The following KLC1 variants were observed in gnomAD, a reference collection of about 807,000 sequenced individuals.
KLC1 encodes kinesin 2 60/70kDa.
In KLC1, 30 loss-of-function variants were observed where a neutral mutation model predicts 84.2. That is an observed-to-expected ratio of 0.36 (90% CI 0.27 to 0.48). The LOEUF (loss-of-function observed/expected upper bound fraction) is 0.48. KLC1 is among the 20% of genes least tolerant of loss of function. The probability of loss-of-function intolerance (pLI) is 0.99; values close to 1 mark genes in which losing one functional copy is unlikely to be tolerated. For synonymous variants in KLC1, 289 were observed against 293.3 expected (o/e 0.99, Z 0.15); for missense variants, 499 against 805.4 (o/e 0.62, Z 4.60).
At chr14:103,660,796 A>C (rs1368889095) in intron 3 of KLC1, among the ~76,000 whole-genome samples, 1 of 150,906 alleles carries the variant, frequency 6.6e-6, no homozygotes, top group African/African-American at 2.4e-5. Context: ...GTCTCAGAAA[A>C]ACAAGCAATA....
intron 5 of KLC1, among the ~76,000 whole-genome samples, 180 bp downstream of exon 5, chr14:103,663,107 T>C (rs1441845882): frequency 1.4e-5 from 2 of 147,438 alleles, no homozygotes; most frequent in African/African-American, 5.0e-5. Flanking sequence ...TGAGACGGAG[T>C]CTCGTTCTGT....
At chr14:103,651,401 TA>T (rs989822702) in intron 1 of KLC1, among the ~76,000 whole-genome samples, 1 of 152,100 alleles carries the variant, frequency 6.6e-6, no homozygotes, top group Non-Finnish European at 1.5e-5. Flanking sequence ...GGTTTTTTTT[TA>T]ATTTAGTTAT....
chr14:103,668,197 A>G (rs2080050415), intron 5 of KLC1, among the ~76,000 whole-genome samples: 1 of 152,210 alleles, frequency 6.6e-6, no homozygotes, highest in Non-Finnish European at 1.5e-5. Context: ...GTAGCCATTA[A>G]CTGGTAGAGC....
intron 1 of KLC1, among the ~76,000 whole-genome samples, chr14:103,644,802 A>AT (rs1388260522): frequency 6.6e-6 from 1 of 152,072 alleles, no homozygotes; most frequent in African/African-American, 2.4e-5. Context: ...TCTTAGGACA[A>AT]TTTTTTTGGG....
Position 103,694,951 on chromosome 14 carries a change from G to A in KLC1, c.1848+2526G>A, listed in dbSNP as rs1293228261. The A allele has an allele frequency of 1.0e-5, 10 of 985,310 alleles. No homozygotes were observed. The highest frequency in any genetic ancestry group is 1.2e-5 in the Non-Finnish European group (10 of 829,950). 61.0% of individuals were successfully genotyped at this position (985,310 alleles called of 1,614,324 possible). On this transcript the variant is annotated intron_variant, in intron 15 of 16. Transcript: ENST00000334553. This position sits in a 1 kb window ranked among gnomAD's most constrained non-coding sequence, Gnocchi z 4.5. ...GACAAGCTCCGTGTAGTCGCCAGCG[G>A]GTGCCTGGCCCAGGAGCTGCCCTGT... is the stretch of plus-strand genomic sequence containing the variant.
intron 6 of KLC1, 152 bp downstream of exon 6, chr14:103,669,750 T>A: frequency 1.6e-6 from 1 of 607,744 alleles, no homozygotes. Context: ...ACTTACTCAG[T>A]GCTAGTGACA....
chr14:103,636,169 C>T (rs1264942335), intron 1 of KLC1, among the ~76,000 whole-genome samples: 1 of 152,096 alleles, frequency 6.6e-6, no homozygotes, highest in Non-Finnish European at 1.5e-5. Flanking sequence ...CGCCCTCCCC[C>T]GGTAACCATC....
At chr14:103,663,083 CT>C (rs369746171) in intron 5 of KLC1, among the ~76,000 whole-genome samples, 156 bp downstream of exon 5, 8,433 of 143,182 alleles carry the variant, frequency 0.059, 199 homozygotes, top group South Asian at 0.092. Context: ...ATTTAGCAAG[CT>C]TTTTTTTTTT....
intron 2 of KLC1, 39 bp from the exon 3 acceptor site, chr14:103,657,507 C>T: frequency 1.3e-6 from 2 of 1,544,766 alleles, no homozygotes; most frequent in Non-Finnish European, 1.8e-6. Flanking sequence ...TCTTGCTGGA[C>T]AACGTGCCAC....
In KLC1 at chr14:103,675,595, A is replaced by G. The variant is rs749213196; in HGVS notation, c.1305A>G (p.Glu435=). 1.5e-5 allele frequency: 24 copies of G among 1,612,580 alleles called. No homozygotes were observed. The highest frequency in any genetic ancestry group is 8.0e-5 in the African/African-American group (6 of 74,904). The change falls in exon 10 of 17, where the codon GAA becomes GAG. Residue 435 remains glutamate, a synonymous_variant. Transcript: ENST00000334553. ...PIWMHAEERE[E]CKGKQKDGTS... Reference sequence around the variant, plus strand: ...GGATGCATGCTGAAGAAAGAGAAGAATGCAAAGTAAGAATTTATTATTTTG... The same window carrying G: ...GGATGCATGCTGAAGAAAGAGAAGAGTGCAAAGTAAGAATTTATTATTTTG...
chr14:103,697,229 G>C, intron 15 of KLC1: 8 of 559,844 alleles, frequency 1.4e-5, no homozygotes, highest in Non-Finnish European at 1.8e-5. Flanking sequence ...GTTCATGCCA[G>C]TGATTCTTAA....
chr14:103,694,726 G>T lies in KLC1; in HGVS notation c.1848+2301G>T, dbSNP rs2082323376. The T allele has an allele frequency of 1.0e-6, 1 of 985,378 alleles. No individual in the cohort carries two copies. Among genetic ancestry groups the T allele is most frequent in the Non-Finnish European group, 1.2e-6 (1 of 829,950 alleles). The allele number at this position is 985,378 out of a possible 1,614,324, so 61.0% of individuals were successfully genotyped here. A position where few individuals can be genotyped will look rare whatever the true frequency, so the allele number is the denominator to read the frequency against. Reference sequence around the variant, plus strand: ...TGAAAGCTCAGCTTGCCACTGTCATGTAACAGGGTGGGTGGTGGCACAGCA... The same window carrying T: ...TGAAAGCTCAGCTTGCCACTGTCATTTAACAGGGTGGGTGGTGGCACAGCA... On this transcript the variant is annotated intron_variant, in intron 15 of 16. Coordinates refer to ENST00000334553, the MANE Select transcript of KLC1 (RefSeq NM_001394837.1). This position sits in a 1 kb window ranked among gnomAD's most constrained non-coding sequence, Gnocchi z 4.5.
At chr14:103,639,098 T>G (rs545989562) in intron 1 of KLC1, among the ~76,000 whole-genome samples, 1 of 152,348 alleles carries the variant, frequency 6.6e-6, no homozygotes, top group South Asian at 2.1e-4. Flanking sequence ...TTTTTGTTGT[T>G]ATTTCGATAA....
rs779560876 is a variant in KLC1 at position 103,657,687 on chromosome 14, G to T, written c.403G>T (p.Glu135Ter). The T allele has an allele frequency of 6.2e-7, 1 of 1,614,160 alleles. No homozygotes were observed. Among genetic ancestry groups the T allele is most frequent in the Non-Finnish European group, 8.5e-7 (1 of 1,180,034 alleles). The change falls in exon 3 of 17, where the codon GAG (glutamate) becomes TAG (stop). Residue 135 changes from glutamate to a stop codon, truncating the protein, a stop_gained. Coordinates refer to ENST00000334553, the MANE Select transcript of KLC1 (RefSeq NM_001394837.1). LOFTEE classifies it high-confidence loss of function. ...CACGCAGCAGAAACTGCAGAAGAGTGAGCAGTCTGTGGCTCAACTGGAGGA... is the reference window on the plus strand; with the variant it reads ...CACGCAGCAGAAACTGCAGAAGAGTTAGCAGTCTGTGGCTCAACTGGAGGA... Reference protein sequence around the residue: ...ANTQQKLQKSEQSVAQLEEEK... With the variant: ...ANTQQKLQKS
chr14:103,638,002 A>C (rs2077178161), intron 1 of KLC1, among the ~76,000 whole-genome samples: 3 of 152,144 alleles, frequency 2.0e-5, no homozygotes, highest in Admixed American at 2.0e-4. Flanking sequence ...CCAAGATACT[A>C]TTTATTTCCC....
intron 7 of KLC1, among the ~76,000 whole-genome samples, chr14:103,671,503 G>C (rs2080386205): frequency 6.6e-6 from 1 of 152,028 alleles, no homozygotes; most frequent in Non-Finnish European, 1.5e-5. Context: ...CTGGGTAGCT[G>C]GGATTACAGG....
intron 3 of KLC1, among the ~76,000 whole-genome samples, chr14:103,658,071 C>T (rs1033880084): frequency 2.6e-5 from 4 of 152,128 alleles, no homozygotes; most frequent in African/African-American, 4.8e-5. Context: ...CCAATCTGGC[C>T]GTCTGAATTT....
chr14:103,699,252 G>T, intron 15 of KLC1: 12 of 1,539,458 alleles, frequency 7.8e-6, no homozygotes, highest in Non-Finnish European at 9.6e-6. Flanking sequence ...GCTGCTACCC[G>T]CAGGAGCCGG....
chr14:103,698,978 G>A (rs748447059), intron 15 of KLC1: 2 of 1,598,888 alleles, frequency 1.3e-6, no homozygotes, highest in Non-Finnish European at 8.5e-7. Flanking sequence ...GGTTAGCCCA[G>A]GTTATGCCAA....
Sources: gnomAD v4.1 joint callset for allele counts (sites outside exome capture counted in the v4.1 genomes callset) on GRCh38, gnomAD v4.1.1 for gene constraint, Gnocchi (gnomAD v3.1) non-coding constraint, MANE v1.5 for transcripts, NCBI Gene and HGNC (gene_info 2026-07-23, HGNC 2026-07-21) for gene names.